ELAPOR2: variants seen among roughly 807,000 people sequenced by gnomAD.
ELAPOR2 encodes the protein endosome/lysosome-associated apoptosis and autophagy regulator family member 2.
ELAPOR2 carries 89 observed loss-of-function variants against 120.7 expected under a neutral mutation model. The observed-to-expected ratio is 0.74, with a 90% CI of 0.62 to 0.88. The LOEUF (loss-of-function observed/expected upper bound fraction) is 0.88. ELAPOR2 is among the 40% of genes least tolerant of loss of function. The probability of loss-of-function intolerance (pLI) is 0.00; values close to 1 mark genes in which losing one functional copy is unlikely to be tolerated. For missense variants in ELAPOR2, 1,134 were observed against 1,251.6 expected (o/e 0.91, Z 1.42); for synonymous variants, 444 against 444.9 (o/e 1.00, Z 0.03).
chr7:86,940,267 G>A (rs951881825), intron 5 of ELAPOR2, 152 bp from the exon 6 acceptor site: 14 of 431,296 alleles, frequency 3.2e-5, no homozygotes, highest in African/African-American at 8.2e-5. Flanking sequence ...CCTAACCTCC[G>A]CTGAAGTTTA....
intron 1 of ELAPOR2, among the ~76,000 whole-genome samples, chr7:86,970,771 G>A (rs575228335): frequency 2.6e-5 from 4 of 152,238 alleles, no homozygotes; most frequent in African/African-American, 9.6e-5. Context: ...ATGGAAACCT[G>A]CTAAGTAATA....
At chr7:86,905,592 T>G (rs1399012704) in intron 18 of ELAPOR2, among the ~76,000 whole-genome samples, 1 of 152,038 alleles carries the variant, frequency 6.6e-6, no homozygotes, top group Non-Finnish European at 1.5e-5. Context: ...TAAATTAGCT[T>G]TTCATAAAAC....
intron 1 of ELAPOR2, among the ~76,000 whole-genome samples, chr7:87,031,682 A>G (rs1480169571): frequency 2.0e-5 from 3 of 152,216 alleles, no homozygotes; most frequent in African/African-American, 7.2e-5. Context: ...TAAATTTTAT[A>G]AAGAACTTAC....
intron 1 of ELAPOR2, among the ~76,000 whole-genome samples, chr7:87,037,326 T>A (rs1421400706): frequency 6.6e-6 from 1 of 152,102 alleles, no homozygotes; most frequent in Admixed American, 6.6e-5. Flanking sequence ...GGATGTCCAA[T>A]GCTGAACTCA....
chr7:86,899,913 AAAGT>A (rs1788638024), intron 18 of ELAPOR2, among the ~76,000 whole-genome samples: 1 of 151,706 alleles, frequency 6.6e-6, no homozygotes, highest in African/African-American at 2.4e-5. Context: ...GTTTTTTTTT[AAAGT>A]AAGTACAATA....
At chr7:87,010,556 C>T (rs1488039980) in intron 1 of ELAPOR2, among the ~76,000 whole-genome samples, 3 of 152,238 alleles carry the variant, frequency 2.0e-5, no homozygotes, top group African/African-American at 7.2e-5. Flanking sequence ...TTTTTTAGAG[C>T]TGGCAGAAGA....
chr7:86,884,599 TCCTGTA>T (rs1799600183), intron 21 of ELAPOR2, among the ~76,000 whole-genome samples: 1 of 152,152 alleles, frequency 6.6e-6, no homozygotes, highest in East Asian at 1.9e-4. Context: ...CTGGAACCAA[TCCTGTA>T]TGACCGTACA....
At chr7:86,913,649 G>T (rs1192079923) in intron 13 of ELAPOR2, among the ~76,000 whole-genome samples, 1 of 152,138 alleles carries the variant, frequency 6.6e-6, no homozygotes. Flanking sequence ...GGAAGACTAG[G>T]ACCTCTAGTC....
chr7:87,004,691 T>G (rs948993243), intron 1 of ELAPOR2, among the ~76,000 whole-genome samples: 1 of 152,176 alleles, frequency 6.6e-6, no homozygotes, highest in Non-Finnish European at 1.5e-5. Flanking sequence ...TGCTGGTGGC[T>G]ACTGGAGGCA....
At chr7:86,887,912 A>G (rs1799768091) in intron 21 of ELAPOR2, among the ~76,000 whole-genome samples, 1 of 151,908 alleles carries the variant, frequency 6.6e-6, no homozygotes. Flanking sequence ...CATATACACC[A>G]CTACATAAGG....
At chr7:87,048,857 G>C (rs1339231770) in intron 1 of ELAPOR2, among the ~76,000 whole-genome samples, 2 of 152,166 alleles carry the variant, frequency 1.3e-5, no homozygotes, top group Non-Finnish European at 2.9e-5. Context: ...ACAGTTTTCA[G>C]TGTTGTCCAG....
chr7:86,894,101 G>A (rs565524872), intron 19 of ELAPOR2, among the ~76,000 whole-genome samples: 1 of 152,074 alleles, frequency 6.6e-6, no homozygotes, highest in Non-Finnish European at 1.5e-5. Flanking sequence ...CAATTTTGCA[G>A]TTAGTCATGA....
rs1315764870 is a variant in ELAPOR2, at chr7:86,989,094, T to C, written c.190-24070A>G. Among the ~76,000 whole-genome samples, 5 of 152,332 alleles carry C rather than the reference T, an allele frequency of 3.3e-5. No homozygotes were observed. The East Asian group carries it at 9.6e-4, about 29-fold the overall frequency. ...TAAATAATAAAATATTCTCATGCTA[T>C]TAAAATAAAACAAACACATGAAGAC... On this transcript the variant is annotated intron_variant, in intron 1 of 21. Coordinates refer to ENST00000450689, the MANE Select transcript of ELAPOR2 (RefSeq NM_001142749.3).
intron 18 of ELAPOR2, among the ~76,000 whole-genome samples, chr7:86,905,198 GAGAGAGAA>G (rs956214635): frequency 6.6e-6 from 1 of 150,380 alleles, no homozygotes; most frequent in Non-Finnish European, 1.5e-5. Flanking sequence ...GAGAGAGAGA[GAGAGAGAA>G]AGAGAGAGAG....
intron 1 of ELAPOR2, among the ~76,000 whole-genome samples, chr7:87,032,467 C>T (rs1794450727): frequency 6.6e-6 from 1 of 152,138 alleles, no homozygotes; most frequent in Non-Finnish European, 1.5e-5. Flanking sequence ...AATTTTTATT[C>T]TGAATTTTCT....
chr7:86,919,492 G>A (rs958191451), intron 10 of ELAPOR2, among the ~76,000 whole-genome samples, 182 bp from the exon 11 acceptor site: 1 of 152,080 alleles, frequency 6.6e-6, no homozygotes. Flanking sequence ...GATGTTCCAA[G>A]AGGAACCAAG....
chr7:87,037,361 C>T (rs1031173185), intron 1 of ELAPOR2, among the ~76,000 whole-genome samples: 1 of 151,870 alleles, frequency 6.6e-6, no homozygotes, highest in African/African-American at 2.4e-5. Flanking sequence ...CCCACCACCA[C>T]CTCCTCCTTT....
At chr7:86,897,713 C>T in intron 18 of ELAPOR2, 81 bp from the exon 19 acceptor site, 1 of 1,494,892 alleles carries the variant, frequency 6.7e-7, no homozygotes. Flanking sequence ...CACCAGAATA[C>T]CTATCACATG....
At chr7:87,030,780 G>A (rs897260827) in intron 1 of ELAPOR2, among the ~76,000 whole-genome samples, 3 of 152,102 alleles carry the variant, frequency 2.0e-5, no homozygotes, top group East Asian at 1.9e-4. Context: ...TTATTTTCTC[G>A]TTATATAGTC....
Sources: allele counts gnomAD v4.1 joint callset (sites outside exome capture counted in the v4.1 genomes callset), GRCh38; gene constraint gnomAD v4.1.1; transcripts MANE v1.5; gene names NCBI Gene and HGNC (gene_info 2026-07-23, HGNC 2026-07-21).